CUL5: variants seen among roughly 807,000 people sequenced by gnomAD.
CUL5 encodes the protein cullin-5.
Under a neutral mutation model 108.8 loss-of-function variants are expected in CUL5, and 26 were observed. The ratio of observed to expected loss-of-function variants is 0.24; its 90% CI spans 0.18 to 0.33. The LOEUF (loss-of-function observed/expected upper bound fraction) is 0.33. Ranked by LOEUF, CUL5 falls within the 10% of genes least tolerant of loss-of-function variation. CUL5 has a pLI of 1.00. For synonymous variants in CUL5, 334 were observed against 298.0 expected, an observed-to-expected ratio of 1.12 and a Z score of -1.25; for missense variants, 524 against 909.2, an observed-to-expected ratio of 0.58 and a Z score of 5.45.
intron 7 of CUL5, among the ~76,000 whole-genome samples, chr11:108,055,930 C>T (rs1444635803): frequency 6.6e-6 from 1 of 152,148 alleles, no homozygotes; most frequent in Non-Finnish European, 1.5e-5. Context: ...TGCACCCGGC[C>T]ACCTGGCTAA....
At chr11:108,050,176 A>G (rs368265467) in intron 4 of CUL5, 110 bp downstream of exon 4, 5 of 814,788 alleles carry the variant, frequency 6.1e-6, no homozygotes, top group African/African-American at 5.2e-5. Context: ...TTCACATGTC[A>G]ATTGCTTTTC....
Position 108,106,695 on chromosome 11 carries a change from T to C in CUL5, c.*2311T>C, listed in dbSNP as rs1372956248. The stretch of plus-strand genomic sequence containing the variant: ...ATTTAAAAAAAAATGAAAAAAAAAA[T>C]CTTACCAGCAGTTTGTAAAGGTCTG... On this transcript the variant is annotated 3_prime_UTR_variant, in exon 19 of 19. Coordinates refer to ENST00000393094, the MANE Select transcript of CUL5 (RefSeq NM_003478.6). 3 of 151,402 alleles carry C rather than the reference T, an allele frequency of 2.0e-5. No individual in the cohort carries two copies. The highest frequency in any genetic ancestry group is 4.4e-5 in the Non-Finnish European group (3 of 67,746). 9.4% of individuals were successfully genotyped at this position (151,402 alleles called of 1,614,324 possible).
chr11:108,072,657 C>G (rs896543853), intron 9 of CUL5, among the ~76,000 whole-genome samples, 195 bp downstream of exon 9: 2 of 151,926 alleles, frequency 1.3e-5, no homozygotes, highest in Non-Finnish European at 2.9e-5. Flanking sequence ...GCGGATATAG[C>G]AAGTAACAAT....
intron 11 of CUL5, among the ~76,000 whole-genome samples, chr11:108,086,115 A>G (rs1415344991): frequency 2.6e-5 from 4 of 152,230 alleles, no homozygotes; most frequent in African/African-American, 9.6e-5. Flanking sequence ...GTATTAACCA[A>G]TATTTGAAAT....
chr11:108,076,103 C>G (rs1863935049), intron 10 of CUL5, among the ~76,000 whole-genome samples: 1 of 152,138 alleles, frequency 6.6e-6, no homozygotes, highest in Non-Finnish European at 1.5e-5. Context: ...CACAACATGG[C>G]TCACTGGAGC....
chr11:108,093,212 C>T (rs1864399274), intron 13 of CUL5, among the ~76,000 whole-genome samples: 1 of 152,176 alleles, frequency 6.6e-6, no homozygotes, highest in South Asian at 2.1e-4. Context: ...TCTTGTGTAA[C>T]TTGACAGAGT....
At chr11:108,082,660 T>C (rs7101529) in intron 11 of CUL5, among the ~76,000 whole-genome samples, 2,458 of 152,204 alleles carry the variant, frequency 0.016, 77 homozygotes, top group African/African-American at 0.053. Context: ...GTTTCTTTTT[T>C]TTCAGACAGG....
Position 108,084,633 on chromosome 11 carries a change from T to C in CUL5, c.1179-3894T>C, listed in dbSNP as rs150571763. Among the ~76,000 whole-genome samples the C allele has an allele frequency of 1.2e-3, 177 of 152,316 alleles. 3 individuals are homozygous for C. The highest frequency in any genetic ancestry group is 3.8e-3 in the African/African-American group (160 of 41,576). On this transcript the variant is annotated intron_variant, in intron 11 of 18. Coordinates refer to ENST00000393094, the MANE Select transcript of CUL5 (RefSeq NM_003478.6). The stretch of plus-strand genomic sequence containing the variant: ...CCAGTATTCAGTACAACATTACTAG[T>C]CCTATGAAGACAGATAAATTAATGA...
chr11:108,096,823 C>T (rs1249515089), intron 16 of CUL5, among the ~76,000 whole-genome samples: 1 of 151,892 alleles, frequency 6.6e-6, no homozygotes, highest in Non-Finnish European at 1.5e-5. Flanking sequence ...GCCTCGGCCT[C>T]CCAAAATGCT....
At chr11:108,079,335 A>G (rs1864014084) in intron 11 of CUL5, among the ~76,000 whole-genome samples, 1 of 152,066 alleles carries the variant, frequency 6.6e-6, no homozygotes, top group Admixed American at 6.6e-5. Flanking sequence ...TGAACTCCTG[A>G]CCTCAAGTGA....
chr11:108,054,534 C>T, intron 5 of CUL5, 113 bp from the exon 6 acceptor site: 1 of 683,946 alleles, frequency 1.5e-6, no homozygotes, highest in Non-Finnish European at 2.4e-6. Flanking sequence ...TATATGTTCT[C>T]TTGAGCATTG....
At chr11:108,077,928 G>A (rs1032693646) in intron 10 of CUL5, among the ~76,000 whole-genome samples, 2 of 152,024 alleles carry the variant, frequency 1.3e-5, no homozygotes, top group Non-Finnish European at 2.9e-5. Context: ...CAGCCTGGTC[G>A]ACAGAGTGAG....
At chr11:108,041,518 C>T (rs1862912593) in intron 2 of CUL5, among the ~76,000 whole-genome samples, 1 of 152,058 alleles carries the variant, frequency 6.6e-6, no homozygotes, top group Admixed American at 6.6e-5. Flanking sequence ...CTCAGGTGAT[C>T]CACCCACCTC....
intron 10 of CUL5, among the ~76,000 whole-genome samples, chr11:108,074,309 C>T (rs1028948365): frequency 6.0e-5 from 9 of 151,188 alleles, no homozygotes; most frequent in African/African-American, 2.2e-4. Flanking sequence ...ATTCTCCTGC[C>T]TCAGCCTCTC....
chr11:108,084,714 G>A (rs1864180435), intron 11 of CUL5, among the ~76,000 whole-genome samples: 1 of 152,202 alleles, frequency 6.6e-6, no homozygotes, highest in Admixed American at 6.5e-5. Context: ...TGATGTTGGA[G>A]TTAGCACATA....
At chr11:108,050,174 T>C in intron 4 of CUL5, 108 bp downstream of exon 4, 1 of 822,018 alleles carries the variant, frequency 1.2e-6, no homozygotes, top group Admixed American at 2.8e-5. Context: ...ACTTCACATG[T>C]CAATTGCTTT....
intron 4 of CUL5, 130 bp from the exon 5 acceptor site, chr11:108,052,530 G>T: frequency 1.4e-6 from 1 of 728,842 alleles, no homozygotes; most frequent in Non-Finnish European, 2.1e-6. Flanking sequence ...CCAAATTGTT[G>T]GGACTACAGG....
chr11:108,095,404 G>A (rs1864465515), intron 15 of CUL5, 126 bp from the exon 16 acceptor site: 2 of 647,034 alleles, frequency 3.1e-6, no homozygotes, highest in African/African-American at 1.8e-5. Context: ...CTTCTAAAAT[G>A]TTTATTACTG....
intron 18 of CUL5, among the ~76,000 whole-genome samples, chr11:108,101,443 G>C (rs1276365339): frequency 1.3e-5 from 2 of 152,156 alleles, no homozygotes; most frequent in African/African-American, 4.8e-5. Context: ...AGTTGCTAAG[G>C]GCCCCATGGC....
Sources: allele counts gnomAD v4.1 joint callset (sites outside exome capture counted in the v4.1 genomes callset), GRCh38; gene constraint gnomAD v4.1.1; transcripts MANE v1.5; gene names NCBI Gene and HGNC (gene_info 2026-07-23, HGNC 2026-07-21).